IDUA: variants seen among roughly 807,000 people sequenced by gnomAD.
The protein encoded by IDUA is iduronidase alpha-L-.
In IDUA, 65 loss-of-function variants were observed where a neutral mutation model predicts 68.9. The ratio of observed to expected loss-of-function variants is 0.94; its 90% CI spans 0.77 to 1.16. The LOEUF is 1.16. Among genes scored for constraint, IDUA ranks in the 50% most tolerant of loss-of-function variants. The pLI is 0.00. For synonymous variants in IDUA, 529 were observed against 433.6 expected (o/e 1.22, Z -2.73); for missense variants, 1,046 against 938.0 (o/e 1.12, Z -1.50).
chr4:1,003,957 C>A, intron 12 of IDUA, 55 bp from the exon 13 acceptor site: 1 of 1,441,634 alleles, frequency 6.9e-7, no homozygotes, highest in South Asian at 1.1e-5. Context: ...CCTGCCTGCT[C>A]CCACCTTTGA....
rs756021811 is a variant in IDUA, at chr4:990,154, C to T, written c.299+2205C>T. 6 of 1,564,454 alleles carry T rather than the reference C, an allele frequency of 3.8e-6. No individual in the cohort carries two copies. In the Admixed American group the frequency reaches 9.5e-5, roughly 25 times the overall value. ...GCACACCGTGCTGGTGACCACGTCG[C>T]ACACGTTGGCCTGCCCGGCGCCGCG... On this transcript the variant is annotated intron_variant, in intron 2 of 13. Coordinates refer to ENST00000514224, the MANE Select transcript of IDUA (RefSeq NM_000203.5).
chr4:997,506 G>A (rs1033954282), intron 2 of IDUA, among the ~76,000 whole-genome samples: 1 of 150,846 alleles, frequency 6.6e-6, no homozygotes, highest in Non-Finnish European at 1.5e-5. Flanking sequence ...CGGGGACGTG[G>A]GGACCCGGGC....
In IDUA at chr4:1,001,995, C is replaced by T; in HGVS notation, c.806C>T (p.Ser269Phe). The change falls in exon 7 of 14, where the codon TCC (serine) becomes TTC (phenylalanine). Residue 269 changes from serine to phenylalanine, a missense_variant. Coordinates refer to ENST00000514224, the MANE Select transcript of IDUA (RefSeq NM_000203.5). Reference protein sequence around the residue: ...ISLHRKGARSSISILEQEKVV... With the variant: ...ISLHRKGARSFISILEQEKVV... ...CCCCGCCCGCAGGGTGCGCGCAGCT[C>T]CATCTCCATCCTGGAGCAGGAGAAG... The T allele has an allele frequency of 1.3e-6, 2 of 1,588,364 alleles. No individual in the cohort carries two copies. The highest frequency in any genetic ancestry group is 1.7e-6 in the Non-Finnish European group (2 of 1,169,294).
chr4:1,004,139 C>T lies in IDUA; in HGVS notation c.1828+27C>T. ...TGCGCCCACCACCCGCTGCCCTGGA[C>T]TCGGCCACCCCATTCTTGGGCCTCA... On this transcript the variant is annotated intron_variant, in intron 13 of 13. Coordinates refer to ENST00000514224, the MANE Select transcript of IDUA (RefSeq NM_000203.5). This position sits in a 1 kb window ranked among gnomAD's most constrained non-coding sequence, Gnocchi z 5.0. 1 of 1,611,792 alleles carries T rather than the reference C, an allele frequency of 6.2e-7. No individual in the cohort carries two copies. Among genetic ancestry groups the T allele is most frequent in the African/African-American group, 1.3e-5 (1 of 74,956 alleles).
chr4:991,637 C>T, intron 2 of IDUA: 1 of 1,562,782 alleles, frequency 6.4e-7, no homozygotes, highest in East Asian at 2.2e-5. Flanking sequence ...CCCCGGGGTG[C>T]TGGGCGCTGC....
At chr4:991,087 G>T (rs1428310879) in intron 2 of IDUA, 10 of 1,505,336 alleles carry the variant, frequency 6.6e-6, no homozygotes, top group Non-Finnish European at 2.7e-6. Flanking sequence ...CTAAGGGGGG[G>T]TGCCCTGGGC....
At chr4:992,184 G>A (rs576425470) in intron 2 of IDUA, 3 of 461,598 alleles carry the variant, frequency 6.5e-6, no homozygotes, top group South Asian at 4.6e-5. Flanking sequence ...ACAGGTGCAG[G>A]CAAGCCTGAG....
chr4:997,824 C>T (rs544996056), intron 2 of IDUA, among the ~76,000 whole-genome samples: 36 of 152,344 alleles, frequency 2.4e-4, no homozygotes, highest in Admixed American at 2.2e-3. Flanking sequence ...CTGTCCCGGG[C>T]TCCCCTCGCT....
In IDUA at chr4:1,003,138, G is replaced by A. The variant is rs769566506; in HGVS notation, c.1505G>A (p.Arg502Gln). ...GTCTTCCCCACGGCAGAGCAGTTCC[G>A]GCGCATGCGCGCGGCTGAGGTAGGT... ...RPVFPTAEQF[R>Q]RMRAAEDPVA... is the part of the protein sequence containing the mutation. The change falls in exon 10 of 14, where the codon CGG becomes CAG. Residue 502 changes from arginine to glutamine, a missense_variant. Arg to Gln is a conservative substitution (Grantham distance 43). Coordinates refer to ENST00000514224, the MANE Select transcript of IDUA (RefSeq NM_000203.5). 6.8e-7 allele frequency: 1 copy of A among 1,462,426 alleles called. No homozygotes were observed. Among genetic ancestry groups the A allele is most frequent in the Non-Finnish European group, 9.0e-7 (1 of 1,112,060 alleles). The allele number at this position is 1,462,426 out of a possible 1,614,324, so 90.6% of individuals were successfully genotyped here.
chr4:1,003,501 G>A (rs777650236), intron 11 of IDUA, 31 bp downstream of exon 11: 2 of 1,598,568 alleles, frequency 1.3e-6, no homozygotes, highest in African/African-American at 1.3e-5. Flanking sequence ...CCGCGCCGCG[G>A]CCCGGACTCC....
intron 2 of IDUA, among the ~76,000 whole-genome samples, chr4:994,468 C>T (rs188262704): frequency 3.5e-5 from 5 of 144,104 alleles, no homozygotes; most frequent in East Asian, 2.1e-4. Flanking sequence ...GACGGAGTTT[C>T]GCTCTGTTGC....
intron 2 of IDUA, chr4:990,551 G>A (rs777005913): frequency 1.5e-5 from 9 of 610,046 alleles, no homozygotes; most frequent in South Asian, 2.0e-5. Context: ...GCTCATGCCC[G>A]CAGACAACTG....
intron 2 of IDUA, among the ~76,000 whole-genome samples, chr4:998,530 G>T (rs1714878493): frequency 6.6e-6 from 1 of 152,292 alleles, no homozygotes; most frequent in South Asian, 2.1e-4. Flanking sequence ...GAAGCCCTCA[G>T]ACCCTGGCCA....
In IDUA at chr4:1,003,636, G is replaced by C. The variant is rs1308792640; in HGVS notation, c.1727+11G>C. ...ACACGTGGGCTCCAAGTGCGTGAGTGGGGCCGCCCCTCCCTCTGCCTGGTC... is the reference window on the plus strand; with the variant it reads ...ACACGTGGGCTCCAAGTGCGTGAGTCGGGCCGCCCCTCCCTCTGCCTGGTC... On this transcript the variant is annotated intron_variant, in intron 12 of 13. Coordinates refer to ENST00000514224, the MANE Select transcript of IDUA (RefSeq NM_000203.5). The C allele has an allele frequency of 6.2e-7, 1 of 1,612,174 alleles. No homozygotes were observed. The highest frequency in any genetic ancestry group is 8.5e-7 in the Non-Finnish European group (1 of 1,179,716).
At chr4:987,646 A>G in intron 1 of IDUA, 163 bp from the exon 2 acceptor site, 4 of 1,453,386 alleles carry the variant, frequency 2.8e-6, no homozygotes, top group Non-Finnish European at 3.6e-6. Flanking sequence ...TGAAGATGGG[A>G]CCTCCCCACA....
chr4:1,004,422 C>G lies in IDUA; in HGVS notation c.*29C>G. ...TGTGCTGAGCCCCAGTGGGTTGCAC[C>G]TCCACCGGCAGTCAGCGAGCTGGGG... On this transcript the variant is annotated 3_prime_UTR_variant, in exon 14 of 14. Transcript: ENST00000514224. The surrounding 1 kb of genome is among the most constrained non-coding windows in gnomAD (Gnocchi z 5.0). 1 of 1,607,572 alleles carries G rather than the reference C, an allele frequency of 6.2e-7. No homozygotes were observed. The highest frequency in any genetic ancestry group is 8.5e-7 in the Non-Finnish European group (1 of 1,179,622).
intron 2 of IDUA, among the ~76,000 whole-genome samples, chr4:994,441 A>C (rs1013934846): frequency 6.9e-6 from 1 of 144,628 alleles, no homozygotes; most frequent in African/African-American, 2.6e-5. Flanking sequence ...GCGCCCGGCT[A>C]ATTTTTTTTT....
At chr4:991,666 C>G in intron 2 of IDUA, 3 of 1,540,054 alleles carry the variant, frequency 1.9e-6, no homozygotes, top group Non-Finnish European at 1.7e-6. Context: ...CGGCACCGGC[C>G]CTCTGCCCTG....
At position 1,002,069 on chromosome 4, in the gene IDUA, C is replaced by A; in HGVS notation, c.880C>A (p.Pro294Thr). Residue 294 changes from proline (P) to threonine (T), a missense_variant, in exon 7 of 14, where the codon CCC becomes ACC. By Grantham distance (38) the Pro-to-Thr change is conservative (BLOSUM62 -1). Coordinates refer to ENST00000514224, the MANE Select transcript of IDUA (RefSeq NM_000203.5). Reference sequence around the variant, plus strand: ...GCTCTTCCCCAAGTTCGCGGACACCCCCATTTACAACGACGAGGCGGACCC... The same window carrying A: ...GCTCTTCCCCAAGTTCGCGGACACCACCATTTACAACGACGAGGCGGACCC... ...RQLFPKFADT[P>T]IYNDEADPLV... 6.3e-7 allele frequency: 1 copy of A among 1,593,122 alleles called. No individual in the cohort carries two copies. Among genetic ancestry groups the A allele is most frequent in the Non-Finnish European group, 8.5e-7 (1 of 1,171,398 alleles).
Sources: gnomAD v4.1 joint callset for allele counts (sites outside exome capture counted in the v4.1 genomes callset) on GRCh38, gnomAD v4.1.1 for gene constraint, Gnocchi (gnomAD v3.1) non-coding constraint, MANE v1.5 for transcripts, NCBI Gene and HGNC (gene_info 2026-07-23, HGNC 2026-07-21) for gene names.